The following ADAD1 variants were observed in gnomAD, a reference collection of about 807,000 sequenced individuals.
ADAD1 encodes adenosine deaminase domain-containing protein 1.
ADAD1 carries 46 observed loss-of-function variants against 66.8 expected under a neutral mutation model. The ratio of observed to expected loss-of-function variants is 0.69; its 90% CI spans 0.54 to 0.88. The LOEUF is 0.88. Ranked by LOEUF, ADAD1 falls within the 40% of genes least tolerant of loss-of-function variation. The pLI is 0.00. For missense variants in ADAD1, 617 were observed against 681.8 expected (o/e 0.91, Z 1.06); for synonymous variants, 248 against 229.4 (o/e 1.08, Z -0.73).
At chr4:122,381,852 ATG>A (rs1491271202) in intron 4 of ADAD1, among the ~76,000 whole-genome samples, 1 of 152,216 alleles carries the variant, frequency 6.6e-6, no homozygotes, top group East Asian at 1.9e-4. Context: ...GTATATGTAC[ATG>A]TGTGTGTGTT....
chr4:122,421,441 A>C (rs914949796), intron 12 of ADAD1, 51 bp downstream of exon 12: 1 of 1,393,256 alleles, frequency 7.2e-7, no homozygotes. Context: ...TTAAGACATT[A>C]ATGTGGTCAT....
At chr4:122,420,322 C>T (rs1796943790) in intron 11 of ADAD1, among the ~76,000 whole-genome samples, 1 of 152,102 alleles carries the variant, frequency 6.6e-6, no homozygotes, top group African/African-American at 2.4e-5. Flanking sequence ...TTGGGCTTTC[C>T]CACACATCTG....
At chr4:122,394,283 T>A (rs73846643) in intron 6 of ADAD1, among the ~76,000 whole-genome samples, 5,990 of 152,232 alleles carry the variant, frequency 0.039, 376 homozygotes, top group African/African-American at 0.13. Context: ...ATATTTCACA[T>A]TGTATGGTAG....
At chr4:122,399,112 TAA>T (rs2150559835) in intron 7 of ADAD1, among the ~76,000 whole-genome samples, 1 of 152,346 alleles carries the variant, frequency 6.6e-6, no homozygotes, top group Non-Finnish European at 1.5e-5. Flanking sequence ...GTCTTAGATT[TAA>T]GTCTTTGATC....
intron 7 of ADAD1, among the ~76,000 whole-genome samples, chr4:122,396,914 T>G (rs1279345647): frequency 6.6e-6 from 1 of 152,180 alleles, no homozygotes. Context: ...TAGATAAATA[T>G]ACTAGTCGAA....
chr4:122,412,871 C>A, intron 10 of ADAD1, 62 bp downstream of exon 10: 1 of 1,384,796 alleles, frequency 7.2e-7, no homozygotes, highest in Non-Finnish European at 1.0e-6. Context: ...CTGTATTTTA[C>A]TTATCAGTAT....
At chr4:122,423,612 GA>G (rs544585891) in intron 12 of ADAD1, among the ~76,000 whole-genome samples, 75 of 152,024 alleles carry the variant, frequency 4.9e-4, no homozygotes, top group African/African-American at 1.7e-3. Context: ...ATTTGAAAAA[GA>G]AAAAAAGTTG....
chr4:122,414,675 C>T (rs1363069639), intron 10 of ADAD1, among the ~76,000 whole-genome samples: 1 of 152,084 alleles, frequency 6.6e-6, no homozygotes, highest in African/African-American at 2.4e-5. Context: ...TCTGTTGTTG[C>T]AAGAACTTCT....
intron 10 of ADAD1, among the ~76,000 whole-genome samples, chr4:122,413,087 CT>C (rs1796542386): frequency 1.3e-5 from 2 of 152,038 alleles, no homozygotes; most frequent in Admixed American, 1.3e-4. Context: ...AGAGCTCCTT[CT>C]GGTGCTTTGG....
chr4:122,399,395 GT>G (rs1234315391), intron 7 of ADAD1, among the ~76,000 whole-genome samples: 1 of 151,978 alleles, frequency 6.6e-6, no homozygotes, highest in Non-Finnish European at 1.5e-5. Flanking sequence ...TAGCCTTGTA[GT>G]GTATAGTTTG....
chr4:122,422,447 A>C (rs943248346), intron 12 of ADAD1, among the ~76,000 whole-genome samples: 4 of 152,196 alleles, frequency 2.6e-5, no homozygotes, highest in African/African-American at 7.2e-5. Flanking sequence ...CTTCCATGTT[A>C]CCATTATTAA....
intron 2 of ADAD1, 30 bp from the exon 3 acceptor site, chr4:122,380,032 G>A: frequency 2.5e-6 from 4 of 1,578,678 alleles, no homozygotes; most frequent in Non-Finnish European, 3.4e-6. Flanking sequence ...GTTTTGTCTT[G>A]TTTTCTGCCA....
At chr4:122,411,050 T>C (rs2150579670) in intron 8 of ADAD1, among the ~76,000 whole-genome samples, 172 bp from the exon 9 acceptor site, 1 of 152,328 alleles carries the variant, frequency 6.6e-6, no homozygotes, top group Middle Eastern at 3.4e-3. Context: ...TTGAGAACTT[T>C]CAAGAAACTT....
At chr4:122,401,332 A>G (rs563596270) in intron 7 of ADAD1, among the ~76,000 whole-genome samples, 2 of 152,264 alleles carry the variant, frequency 1.3e-5, no homozygotes, top group South Asian at 4.1e-4. Flanking sequence ...GTTAATTTTC[A>G]AATTTATTCC....
At chr4:122,387,066 T>G (rs891923373) in intron 5 of ADAD1, among the ~76,000 whole-genome samples, 2 of 152,366 alleles carry the variant, frequency 1.3e-5, no homozygotes, top group East Asian at 3.9e-4. Context: ...TTTCTAATTC[T>G]GTGAAGAATG....
At chr4:122,396,922 G>A (rs772215413) in intron 7 of ADAD1, among the ~76,000 whole-genome samples, 3 of 152,030 alleles carry the variant, frequency 2.0e-5, no homozygotes, top group Non-Finnish European at 4.4e-5. Flanking sequence ...TATACTAGTC[G>A]AAAGTCTAAG....
chr4:122,428,795 T>G (rs1164163835), intron 12 of ADAD1, among the ~76,000 whole-genome samples: 1 of 151,958 alleles, frequency 6.6e-6, no homozygotes, highest in Non-Finnish European at 1.5e-5. Context: ...TTTTTAGAGG[T>G]GAGGGATTTG....
chr4:122,383,533 C>T (rs1168805640), intron 4 of ADAD1, among the ~76,000 whole-genome samples: 8 of 152,172 alleles, frequency 5.3e-5, no homozygotes, highest in African/African-American at 1.4e-4. Context: ...CACTGTTACT[C>T]CACGTGTGAT....
In ADAD1 at chr4:122,398,219, A is replaced by G. The variant is rs1051210913; in HGVS notation, c.724+1842A>G. 3.3e-5 allele frequency among the ~76,000 whole-genome samples: 5 copies of G among 150,918 alleles called. No individual in the cohort carries two copies. The South Asian group carries it at 6.3e-4, about 19-fold the overall frequency. On this transcript the variant is annotated intron_variant, in intron 7 of 12. Transcript: ENST00000296513. ...TTCTTGTCTTCCTGGCTTAGCTCCCACTTGTAAGTGAGAACATAGAATGTT... is the reference window on the plus strand; with the variant it reads ...TTCTTGTCTTCCTGGCTTAGCTCCCGCTTGTAAGTGAGAACATAGAATGTT...
Sources: allele counts gnomAD v4.1 joint callset (sites outside exome capture counted in the v4.1 genomes callset), GRCh38; gene constraint gnomAD v4.1.1; transcripts MANE v1.5; gene names NCBI Gene and HGNC (gene_info 2026-07-23, HGNC 2026-07-21).